The following EPHB1 variants were observed in gnomAD, a reference collection of about 807,000 sequenced individuals.
EPHB1 encodes ephrin type-B receptor 1.
Under a neutral mutation model 94.4 loss-of-function variants are expected in EPHB1, and 30 were observed. The observed-to-expected ratio is 0.32, with a 90% CI of 0.24 to 0.43. The LOEUF is 0.43. Ranked by LOEUF, EPHB1 falls within the 20% of genes least tolerant of loss-of-function variation. The probability of loss-of-function intolerance (pLI) is 1.00; values close to 1 mark genes in which losing one functional copy is unlikely to be tolerated. For missense variants in EPHB1, 1,055 were observed against 1,308.3 expected, an observed-to-expected ratio of 0.81 and a Z score of 2.99; for synonymous variants, 522 against 489.1, an observed-to-expected ratio of 1.07 and a Z score of -0.89.
chr3:135,039,844 C>G (rs1430359871), intron 3 of EPHB1, among the ~76,000 whole-genome samples: 3 of 152,220 alleles, frequency 2.0e-5, no homozygotes, highest in Non-Finnish European at 2.9e-5. Flanking sequence ...CCAGCCTTGG[C>G]CAGCCCAGAA....
chr3:134,801,520 TTA>T (rs1453363613), intron 1 of EPHB1, among the ~76,000 whole-genome samples: 4 of 152,316 alleles, frequency 2.6e-5, no homozygotes, highest in Admixed American at 1.3e-4. Context: ...AGAGCTCTTT[TTA>T]TGTTTCCCTC....
chr3:135,049,796 A>G (rs1052620807), intron 3 of EPHB1, among the ~76,000 whole-genome samples: 21 of 152,210 alleles, frequency 1.4e-4, no homozygotes, highest in African/African-American at 5.1e-4. Context: ...ATGTGAGGAC[A>G]CAGGTGACGA....
At chr3:135,111,469 C>T (rs1409551890) in intron 4 of EPHB1, among the ~76,000 whole-genome samples, 2 of 152,116 alleles carry the variant, frequency 1.3e-5, no homozygotes, top group South Asian at 2.1e-4. Flanking sequence ...ACTGGAACCA[C>T]AGGGCCTTCC....
At chr3:135,033,190 C>T (rs1180270829) in intron 3 of EPHB1, among the ~76,000 whole-genome samples, 1 of 152,146 alleles carries the variant, frequency 6.6e-6, no homozygotes, top group African/African-American at 2.4e-5. Flanking sequence ...TGGGGGAATT[C>T]CTTTCCTGCC....
intron 10 of EPHB1, 107 bp downstream of exon 10, chr3:135,180,089 C>A (rs971121462): frequency 3.2e-5 from 41 of 1,278,894 alleles, no homozygotes; most frequent in African/African-American, 7.4e-5. Context: ...AGGAGGAGAG[C>A]TTCTATCTTC....
At chr3:134,944,773 C>CTG (rs3067405) in intron 2 of EPHB1, among the ~76,000 whole-genome samples, 68,278 of 151,924 alleles carry the variant, frequency 0.45, 15,873 homozygotes, top group Middle Eastern at 0.56. Context: ...AGATAAAAGT[C>CTG]AGAAATTATC....
At chr3:135,006,656 A>G (rs1471435546) in intron 3 of EPHB1, among the ~76,000 whole-genome samples, 1 of 152,218 alleles carries the variant, frequency 6.6e-6, no homozygotes, top group African/African-American at 2.4e-5. Context: ...ATAGTGAGAC[A>G]CTGTTTCTAA....
chr3:135,214,135 G>T (rs1039384352), intron 12 of EPHB1, among the ~76,000 whole-genome samples: 2 of 152,124 alleles, frequency 1.3e-5, no homozygotes, highest in African/African-American at 4.8e-5. Flanking sequence ...CATGTCAGCT[G>T]ATGTTCTCTG....
intron 1 of EPHB1, among the ~76,000 whole-genome samples, chr3:134,814,216 T>G (rs1024594448): frequency 3.3e-5 from 5 of 152,168 alleles, no homozygotes; most frequent in African/African-American, 4.8e-5. Context: ...CTGATATACC[T>G]GTTGCTGGAT....
chr3:135,148,092 A>C (rs1465202103), intron 5 of EPHB1, among the ~76,000 whole-genome samples: 1 of 152,206 alleles, frequency 6.6e-6, no homozygotes, highest in Non-Finnish European at 1.5e-5. Flanking sequence ...ATTTTGGCAC[A>C]AAAATCAACT....
At chr3:134,839,105 G>A (rs915034082) in intron 1 of EPHB1, among the ~76,000 whole-genome samples, 7 of 152,080 alleles carry the variant, frequency 4.6e-5, no homozygotes, top group Non-Finnish European at 8.8e-5. Context: ...CTCAATATAC[G>A]ACACAAAATA....
chr3:134,871,616 G>A (rs2037501473), intron 1 of EPHB1, among the ~76,000 whole-genome samples: 1 of 152,080 alleles, frequency 6.6e-6, no homozygotes, highest in African/African-American at 2.4e-5. Flanking sequence ...TGCACTTCAT[G>A]TTCCAGGGCT....
intron 3 of EPHB1, among the ~76,000 whole-genome samples, chr3:135,029,348 G>C (rs1936326100): frequency 6.6e-6 from 1 of 151,932 alleles, no homozygotes; most frequent in South Asian, 2.1e-4. Flanking sequence ...GCATGATTTT[G>C]CAGCAGCTGG....
At chr3:135,151,920 A>G (rs1299026989) in intron 5 of EPHB1, among the ~76,000 whole-genome samples, 1 of 152,252 alleles carries the variant, frequency 6.6e-6, no homozygotes, top group African/African-American at 2.4e-5. Flanking sequence ...CTGCCATTTC[A>G]GGACTGAACA....
chr3:135,243,787 G>A (rs371762365), intron 13 of EPHB1, among the ~76,000 whole-genome samples: 1 of 152,348 alleles, frequency 6.6e-6, no homozygotes, highest in Admixed American at 6.5e-5. Flanking sequence ...CTTTGAACAT[G>A]TACAGAGAGT....
At chr3:135,020,520 A>G (rs190541177) in intron 3 of EPHB1, among the ~76,000 whole-genome samples, 7 of 152,324 alleles carry the variant, frequency 4.6e-5, no homozygotes, top group African/African-American at 1.4e-4. Flanking sequence ...AAATGGAATC[A>G]TGCGCTATAT....
chr3:135,089,473 A>G (rs1938480038), intron 3 of EPHB1, among the ~76,000 whole-genome samples: 1 of 152,236 alleles, frequency 6.6e-6, no homozygotes, highest in Admixed American at 6.5e-5. Flanking sequence ...CAACTTTACA[A>G]CCAATTTTAA....
intron 3 of EPHB1, among the ~76,000 whole-genome samples, chr3:135,051,992 A>G (rs889913009): frequency 6.6e-6 from 1 of 152,218 alleles, no homozygotes; most frequent in African/African-American, 2.4e-5. Flanking sequence ...ATAAAAATCT[A>G]CTTCTGTAGG....
At chr3:135,026,079 A>T (rs1936154173) in intron 3 of EPHB1, among the ~76,000 whole-genome samples, 1 of 93,038 alleles carries the variant, frequency 1.1e-5, no homozygotes. Flanking sequence ...TTTCTTGTAA[A>T]TTTGTTTGAG....
Sources: gnomAD v4.1 joint callset for allele counts (sites outside exome capture counted in the v4.1 genomes callset) on GRCh38, gnomAD v4.1.1 for gene constraint, MANE v1.5 for transcripts, NCBI Gene and HGNC (gene_info 2026-07-23, HGNC 2026-07-21) for gene names.